The following ZNF208 variants were observed in gnomAD, a reference collection of about 807,000 sequenced individuals.
ZNF208 encodes zinc finger protein 95.
A neutral mutation model predicts 12.1 loss-of-function variants in ZNF208; 10 were observed. That is an observed-to-expected ratio of 0.83 (90% CI 0.51 to 1.40). The LOEUF (loss-of-function observed/expected upper bound fraction) is 1.40, where lower values mean the gene tolerates loss of function less well. Among genes scored for constraint, ZNF208 ranks in the 40% most tolerant of loss-of-function variants. The pLI, the probability that ZNF208 is intolerant of heterozygous loss-of-function variation, is 0.00. For missense variants in ZNF208, 1,652 were observed against 1,485.0 expected (o/e 1.11, Z -1.85); for synonymous variants, 497 against 488.4 (o/e 1.02, Z -0.23).
chr19:22,010,704 G>A, intron 1 of ZNF208, 88 bp downstream of exon 1: 1 of 1,598,998 alleles, frequency 6.3e-7, no homozygotes, highest in Non-Finnish European at 8.6e-7. Context: ...GCTGACTGCG[G>A]GGAGGCCTGA....
chr19:21,964,370 AAGAC>A (rs570606534), downstream of ZNF208, among the ~76,000 whole-genome samples: 294 of 151,980 alleles, frequency 1.9e-3, 1 homozygote, highest in African/African-American at 6.7e-3. Context: ...AATACTTTGA[AAGAC>A]AGACTCTAAA....
intron 1 of ZNF208, among the ~76,000 whole-genome samples, chr19:22,006,984 A>C (rs1386707997): frequency 6.6e-6 from 1 of 152,142 alleles, no homozygotes; most frequent in African/African-American, 2.4e-5. Flanking sequence ...TTTACCATTA[A>C]ACTCAGAAAT....
At position 21,967,328 on chromosome 19, in the gene ZNF208, T is replaced by C. The variant is rs1182041114; in HGVS notation, c.*3863A>G. On this transcript the variant is annotated 3_prime_UTR_variant, in exon 4 of 4. Transcript: ENST00000397126. Reference sequence around the variant, plus strand: ...TTAATTCCCCTTTTGTTTATTTCTGTTGGCTTTGTAAAAATAACCTGATTG... The same window carrying C: ...TTAATTCCCCTTTTGTTTATTTCTGCTGGCTTTGTAAAAATAACCTGATTG... The C allele has an allele frequency of 6.6e-6, 1 of 152,122 alleles. No homozygotes were observed. The highest frequency in any genetic ancestry group is 1.5e-5 in the Non-Finnish European group (1 of 68,004). The allele number at this position is 152,122 out of a possible 1,614,324, so 9.4% of individuals were successfully genotyped here.
chr19:21,993,098 C>G (rs1264425530), intron 1 of ZNF208, among the ~76,000 whole-genome samples: 1 of 152,166 alleles, frequency 6.6e-6, no homozygotes, highest in African/African-American at 2.4e-5. Flanking sequence ...AGGACCAAGA[C>G]AGAAAAACTC....
At chr19:21,957,915 A>T (rs1343738832) in intron 4 of ZNF208, among the ~76,000 whole-genome samples, 2 of 151,972 alleles carry the variant, frequency 1.3e-5, no homozygotes, top group Non-Finnish European at 2.9e-5. Flanking sequence ...TACATGTGCC[A>T]TGCTGGTGTG....
At chr19:21,965,408 G>A (rs1329166094), downstream of ZNF208, among the ~76,000 whole-genome samples, 2 of 151,994 alleles carry the variant, frequency 1.3e-5, no homozygotes, top group Non-Finnish European at 2.9e-5. Context: ...AGGAAGGCAA[G>A]AAATGCCACA....
downstream of ZNF208, among the ~76,000 whole-genome samples, chr19:21,965,500 T>C (rs1347753059): frequency 6.6e-6 from 1 of 152,068 alleles, no homozygotes; most frequent in African/African-American, 2.4e-5. Context: ...GCATCTTTTG[T>C]TCAACTACAG....
chr19:21,946,988 G>A (rs1969823935), intron 4 of ZNF208, among the ~76,000 whole-genome samples: 1 of 148,322 alleles, frequency 6.7e-6, no homozygotes, highest in South Asian at 2.1e-4. Context: ...CTTTTTTTTG[G>A]TACCTATAAT....
chr19:22,002,538 C>G (rs1184018530), intron 1 of ZNF208, among the ~76,000 whole-genome samples: 2 of 151,752 alleles, frequency 1.3e-5, no homozygotes, highest in Non-Finnish European at 2.9e-5. Flanking sequence ...TAGTAGCAAC[C>G]CTATATATCA....
intron 3 of ZNF208, among the ~76,000 whole-genome samples, chr19:21,978,636 G>A (rs112983099): frequency 0.034 from 5,173 of 152,270 alleles, 302 homozygotes; most frequent in African/African-American, 0.12. Context: ...CAAAAAGGCT[G>A]AAAATTCCAA....
At chr19:21,945,970 C>T (rs944568118) in intron 4 of ZNF208, among the ~76,000 whole-genome samples, 3 of 151,876 alleles carry the variant, frequency 2.0e-5, no homozygotes, top group African/African-American at 7.3e-5. Flanking sequence ...GGACTCATGC[C>T]CTCGGATGCA....
Position 21,971,642 on chromosome 19 carries a change from T to C in ZNF208, c.3392A>G (p.His1131Arg), listed in dbSNP as rs1172225536. 3 of 1,613,322 alleles carry C rather than the reference T, an allele frequency of 1.9e-6. No individual in the cohort carries two copies. Among genetic ancestry groups the C allele is most frequent in the East Asian group, 2.2e-5 (1 of 44,874 alleles). Residue 1131 changes from histidine to arginine, a missense_variant, in exon 4 of 4, where the codon CAT (histidine) becomes CGT (arginine). Physicochemically the swap from His to Arg is conservative, Grantham distance 29. Transcript: ENST00000397126. ...SFSTFSILTK[H>R]KVIHTGEKPY... ...TTTCTCTCCAGTATGAATTACCTTA[T>C]GTTTAGTAAGGATTGAGAACGTACT...
At chr19:21,988,560 C>T (rs1210118920) in intron 2 of ZNF208, among the ~76,000 whole-genome samples, 1 of 152,128 alleles carries the variant, frequency 6.6e-6, no homozygotes, top group Non-Finnish European at 1.5e-5. Flanking sequence ...CCACAACCTC[C>T]CCCTTCTCCC....
Position 21,994,586 on chromosome 19 carries a change from G to A in ZNF208, c.4-5677C>T, listed in dbSNP as rs189961352. Among the ~76,000 whole-genome samples, 405 of 151,992 alleles carry A rather than the reference G, an allele frequency of 2.7e-3. 2 individuals are homozygous for A. The highest frequency in any genetic ancestry group is 9.0e-3 in the African/African-American group (375 of 41,446). ...AGCTTACTTAAGTAAACTTAAATCCGAGTTTGTATAATTTTAATCTTTTTT... is the reference window on the plus strand; with the variant it reads ...AGCTTACTTAAGTAAACTTAAATCCAAGTTTGTATAATTTTAATCTTTTTT... On this transcript the variant is annotated intron_variant, in intron 1 of 3. Transcript: ENST00000397126.
At chr19:21,944,422 C>T (rs531164068) in intron 4 of ZNF208, among the ~76,000 whole-genome samples, 1 of 152,262 alleles carries the variant, frequency 6.6e-6, no homozygotes, top group East Asian at 1.9e-4. Context: ...CACAACAAAT[C>T]ATCAAATTCT....
In ZNF208 at chr19:21,973,569, C is replaced by T. The variant is rs769572127; in HGVS notation, c.1465G>A (p.Ala489Thr). The change falls in exon 4 of 4, where the codon GCA becomes ACA. Residue 489 changes from alanine to threonine, a missense_variant. Coordinates refer to ENST00000397126, the MANE Select transcript of ZNF208 (RefSeq NM_007153.3). ...KPYKCEECDK[A>T]THAGEKPYKC... The stretch of plus-strand genomic sequence containing the variant: ...TAGGGTTTCTCTCCAGCATGAGTTG[C>T]CTTATCACATTCTTCACATTTGTAG... 1.2e-6 allele frequency: 2 copies of T among 1,612,264 alleles called. No individual in the cohort carries two copies. The highest frequency in any genetic ancestry group is 1.7e-6 in the Non-Finnish European group (2 of 1,179,488).
chr19:21,943,215 T>C (rs1416908982), intron 4 of ZNF208, among the ~76,000 whole-genome samples: 1 of 152,190 alleles, frequency 6.6e-6, no homozygotes, highest in Non-Finnish European at 1.5e-5. Flanking sequence ...AATGTTTGAG[T>C]ATTTGGACTT....
chr19:22,008,552 GTTTT>G (rs199621503), intron 1 of ZNF208, among the ~76,000 whole-genome samples: 1 of 145,918 alleles, frequency 6.9e-6, no homozygotes, highest in East Asian at 2.0e-4. Context: ...ACTGGGGTCA[GTTTT>G]TTTTTTTGTC....
chr19:21,970,705 G>A lies in ZNF208; in HGVS notation c.*486C>T. Reference sequence around the variant, plus strand: ...TTCTCATTTGTAGAGTTTCTCTCCAGCATGAATTTTCTTATGTGTAGGAGG... The same window carrying A: ...TTCTCATTTGTAGAGTTTCTCTCCAACATGAATTTTCTTATGTGTAGGAGG... On this transcript the variant is annotated 3_prime_UTR_variant, in exon 4 of 4. Coordinates refer to ENST00000397126, the MANE Select transcript of ZNF208 (RefSeq NM_007153.3). 8.5e-7 allele frequency: 1 copy of A among 1,174,544 alleles called. No homozygotes were observed. Among genetic ancestry groups the A allele is most frequent in the Non-Finnish European group, 1.3e-6 (1 of 791,830 alleles). 72.8% of individuals were successfully genotyped at this position (1,174,544 alleles called of 1,614,324 possible).
Sources: gnomAD v4.1 joint callset for allele counts (sites outside exome capture counted in the v4.1 genomes callset) on GRCh38, gnomAD v4.1.1 for gene constraint, MANE v1.5 for transcripts, NCBI Gene and HGNC (gene_info 2026-07-23, HGNC 2026-07-21) for gene names.